The following PRUNE2 variants were observed in gnomAD, a reference collection of about 807,000 sequenced individuals.
PRUNE2 encodes prune homolog 2 with BCH domain.
PRUNE2 carries 164 observed loss-of-function variants against 252.0 expected under a neutral mutation model. The ratio of observed to expected loss-of-function variants is 0.65; its 90% CI spans 0.57 to 0.74. PRUNE2 has a LOEUF of 0.74. PRUNE2 is among the 30% of genes least tolerant of loss of function. The pLI, the probability that PRUNE2 is intolerant of heterozygous loss-of-function variation, is 0.00. For synonymous variants in PRUNE2, 1,292 were observed against 1,350.2 expected (o/e 0.96, Z 0.94); for missense variants, 3,495 against 3,711.0 (o/e 0.94, Z 1.51).
chr9:76,884,103 T>G (rs115010393), intron 1 of PRUNE2, among the ~76,000 whole-genome samples: 1 of 152,282 alleles, frequency 6.6e-6, no homozygotes, highest in Non-Finnish European at 1.5e-5. Context: ...TCCATTTGCC[T>G]ATTCTGGTTG....
intron 6 of PRUNE2, among the ~76,000 whole-genome samples, chr9:76,728,322 G>A (rs560192980): frequency 4.6e-5 from 7 of 151,782 alleles, no homozygotes; most frequent in East Asian, 1.9e-4. Flanking sequence ...TCTCAACCCC[G>A]GCTATACCTA....
intron 6 of PRUNE2, chr9:76,778,675 T>G (rs2054056880): frequency 6.6e-6 from 1 of 152,258 alleles, no homozygotes; most frequent in Non-Finnish European, 1.5e-5. Flanking sequence ...ATACACAGTA[T>G]GATCTATAAA....
At chr9:76,726,681 A>C (rs76784938) in intron 6 of PRUNE2, among the ~76,000 whole-genome samples, 1,770 of 152,340 alleles carry the variant, frequency 0.012, 33 homozygotes, top group East Asian at 0.085. Context: ...TATTTAAACA[A>C]TCCAGGAAAA....
At chr9:76,645,556 T>G (rs184091100) in intron 11 of PRUNE2, among the ~76,000 whole-genome samples, 1 of 151,948 alleles carries the variant, frequency 6.6e-6, no homozygotes, top group Admixed American at 6.6e-5. Flanking sequence ...AGACCCCAAA[T>G]GCACAAGACT....
chr9:76,753,932 A>G (rs1050796561), intron 6 of PRUNE2, among the ~76,000 whole-genome samples: 3 of 151,380 alleles, frequency 2.0e-5, no homozygotes, highest in African/African-American at 2.4e-5. Context: ...AAAAAAAAAA[A>G]AAAGTTGCCT....
intron 6 of PRUNE2, 100 bp downstream of exon 6, chr9:76,823,532 G>T: frequency 2.8e-6 from 2 of 714,824 alleles, no homozygotes; most frequent in South Asian, 1.8e-5. Flanking sequence ...AGAAGCAAAG[G>T]ACTATCATGG....
At chr9:76,774,216 G>A (rs573034470) in intron 6 of PRUNE2, among the ~76,000 whole-genome samples, 26 of 151,088 alleles carry the variant, frequency 1.7e-4, no homozygotes, top group Non-Finnish European at 3.4e-4. Context: ...GCTCACTGCA[G>A]CCTCAACCTC....
At chr9:76,727,645 CTTT>C (rs577095894) in intron 6 of PRUNE2, among the ~76,000 whole-genome samples, 2 of 72,714 alleles carry the variant, frequency 2.8e-5, no homozygotes, top group East Asian at 4.2e-4. Context: ...TCTTCTTCTT[CTTT>C]TTTTTTTTTT....
intron 1 of PRUNE2, chr9:76,868,847 GGC>G (rs1296320130): frequency 1.8e-4 from 22 of 122,986 alleles, no homozygotes; most frequent in African/African-American, 5.8e-4. Flanking sequence ...TGGGGGGGGG[GGC>G]GGGGGGGAAG....
chr9:76,615,246 T>C, intron 18 of PRUNE2: 1 of 985,252 alleles, frequency 1.0e-6, no homozygotes, highest in Non-Finnish European at 1.2e-6. Flanking sequence ...TCCTACCGCA[T>C]CCACCCAAGA....
rs1828461316 is a variant in PRUNE2, at chr9:76,614,469, G to A, written c.*101C>T. On this transcript the variant is annotated 3_prime_UTR_variant, in exon 19 of 19. Transcript: ENST00000376718. ...GAAATTTAGAATGGCACCAGGTAGT[G>A]CAAAGTGGAAAAAGGTAACATCAGC... The A allele has an allele frequency of 9.5e-6, 9 of 950,572 alleles. No homozygotes were observed. Among genetic ancestry groups the A allele is most frequent in the African/African-American group, 4.9e-5 (3 of 60,662 alleles). 58.9% of individuals were successfully genotyped at this position (950,572 alleles called of 1,614,324 possible).
Position 76,706,248 on chromosome 9 carries a change from G to C in PRUNE2, c.6026C>G (p.Thr2009Arg), listed in dbSNP as rs747913376. ...ATTTTCTGTGGCAATGCTTGAATTTGTCATCTCACCTAGGTATGATTTTTC... is the reference window on the plus strand; with the variant it reads ...ATTTTCTGTGGCAATGCTTGAATTTCTCATCTCACCTAGGTATGATTTTTC... Reference protein sequence around the residue: ...EQEKSYLGEMTNSSIATENFP... With the variant: ...EQEKSYLGEMRNSSIATENFP... Residue 2009 changes from threonine to arginine, a missense_variant, in exon 8 of 19, where the codon ACA becomes AGA. By Grantham distance (71) the Thr-to-Arg change is moderately conservative. Coordinates refer to ENST00000376718, the MANE Select transcript of PRUNE2 (RefSeq NM_015225.3). The C allele has an allele frequency of 6.2e-7, 1 of 1,613,984 alleles. No homozygotes were observed. Among genetic ancestry groups the C allele is most frequent in the Non-Finnish European group, 8.5e-7 (1 of 1,179,880 alleles).
intron 12 of PRUNE2, among the ~76,000 whole-genome samples, chr9:76,642,418 G>C (rs1842984044): frequency 6.6e-6 from 1 of 152,206 alleles, no homozygotes; most frequent in South Asian, 2.1e-4. Context: ...TTCAAATACT[G>C]CCATCATGCA....
chr9:76,879,391 A>G (rs1439316263), intron 1 of PRUNE2, among the ~76,000 whole-genome samples: 1 of 152,242 alleles, frequency 6.6e-6, no homozygotes, highest in African/African-American at 2.4e-5. Flanking sequence ...ACTCAACAAC[A>G]TTTGACAAAT....
intron 1 of PRUNE2, among the ~76,000 whole-genome samples, chr9:76,857,907 A>C (rs890122021): frequency 6.6e-6 from 1 of 152,082 alleles, no homozygotes; most frequent in Non-Finnish European, 1.5e-5. Context: ...CGGAACCCAA[A>C]AGAGACTCCT....
chr9:76,622,117 T>C (rs1832613944), intron 17 of PRUNE2, among the ~76,000 whole-genome samples: 1 of 152,200 alleles, frequency 6.6e-6, no homozygotes, highest in South Asian at 2.1e-4. Context: ...AACCCACTGC[T>C]CAACAGCAAT....
chr9:76,702,347 C>T (rs1166874902), intron 9 of PRUNE2, among the ~76,000 whole-genome samples: 2 of 152,118 alleles, frequency 1.3e-5, no homozygotes, highest in Non-Finnish European at 1.5e-5. Flanking sequence ...TATGAACCAC[C>T]GCACCTGGCC....
At chr9:76,781,061 G>A (rs929498279) in intron 6 of PRUNE2, among the ~76,000 whole-genome samples, 2 of 152,152 alleles carry the variant, frequency 1.3e-5, no homozygotes, top group Non-Finnish European at 2.9e-5. Flanking sequence ...AAATAAATTA[G>A]ATATATTAAA....
chr9:76,625,366 G>A (rs949788538), intron 16 of PRUNE2, among the ~76,000 whole-genome samples: 3 of 152,192 alleles, frequency 2.0e-5, no homozygotes, highest in Admixed American at 6.5e-5. Flanking sequence ...AGGAGCAACA[G>A]GTTATAGCAG....
Sources: allele counts gnomAD v4.1 joint callset (sites outside exome capture counted in the v4.1 genomes callset), GRCh38; gene constraint gnomAD v4.1.1; transcripts MANE v1.5; gene names NCBI Gene and HGNC (gene_info 2026-07-23, HGNC 2026-07-21).